Variants in ZRANB1 observed in about 807,000 individuals in gnomAD.
ZRANB1 encodes the protein ubiquitin thioesterase ZRANB1.
ZRANB1 carries 16 observed loss-of-function variants against 80.5 expected under a neutral mutation model. The ratio of observed to expected loss-of-function variants is 0.20; its 90% CI spans 0.13 to 0.30. The LOEUF (loss-of-function observed/expected upper bound fraction) is 0.30. Ranked by LOEUF, ZRANB1 falls within the 10% of genes least tolerant of loss-of-function variation. The probability of loss-of-function intolerance (pLI) is 1.00; values close to 1 mark genes in which losing one functional copy is unlikely to be tolerated. For missense variants in ZRANB1, 576 were observed against 862.6 expected (o/e 0.67, Z 4.16); for synonymous variants, 291 against 293.1 (o/e 0.99, Z 0.07).
intron 1 of ZRANB1, among the ~76,000 whole-genome samples, chr10:124,944,082 G>T (rs1018519298): frequency 6.6e-6 from 1 of 152,194 alleles, no homozygotes; most frequent in Admixed American, 6.5e-5. Flanking sequence ...AGGAAATGCT[G>T]TTAAAGGACA....
chr10:124,922,336 AT>A, the ZRANB1 span, among the ~76,000 whole-genome samples: 37 of 44,782 alleles, frequency 8.3e-4, 2 homozygotes, highest in Middle Eastern at 0.016. Flanking sequence ...GTATATATAT[AT>A]TTTTTTTTTA....
intron 1 of ZRANB1, among the ~76,000 whole-genome samples, chr10:124,955,160 C>CT (rs1356502545): frequency 6.6e-6 from 1 of 151,796 alleles, no homozygotes; most frequent in Non-Finnish European, 1.5e-5. Context: ...CAAAACCCAC[C>CT]TAATTGTCCT....
chr10:124,924,549 A>G, the ZRANB1 span, among the ~76,000 whole-genome samples: 1 of 152,112 alleles, frequency 6.6e-6, no homozygotes, highest in South Asian at 2.1e-4. Flanking sequence ...CCTATTCTGG[A>G]TATGTCGTAA....
At position 124,974,225 on chromosome 10, in the gene ZRANB1, T is replaced by C. The variant is rs750578825; in HGVS notation, c.1254T>C (p.Ile418=). Residue 418 remains isoleucine (I), a synonymous_variant, in exon 5 of 9, where the codon ATT becomes ATC. Coordinates refer to ENST00000359653, the MANE Select transcript of ZRANB1 (RefSeq NM_017580.3). ...AATTAGAAGAAGAATCTCCAATTAT[T>C]AACTGGTCCTTGGAATTGGCTACAC... is the stretch of plus-strand genomic sequence containing the variant. ...QKELEEESPI[I]NWSLELATRL... is the part of the protein sequence containing the mutation. 8 of 1,614,140 alleles carry C rather than the reference T, an allele frequency of 5.0e-6. No individual in the cohort carries two copies. The highest frequency in any genetic ancestry group is 5.9e-6 in the Non-Finnish European group (7 of 1,180,042).
the ZRANB1 span, among the ~76,000 whole-genome samples, chr10:124,920,012 C>T: frequency 1.4e-5 from 2 of 148,092 alleles, no homozygotes; most frequent in Admixed American, 6.8e-5. Context: ...CTCCGCCTCC[C>T]GGGTTCAAGC....
chr10:124,961,920 GTTGC>G lies in ZRANB1; in HGVS notation c.815-4672_815-4669del, dbSNP rs1327840895. 7.2e-5 allele frequency among the ~76,000 whole-genome samples: 11 copies of G among 152,276 alleles called. No homozygotes were observed. The East Asian group carries it at 1.7e-3, about 24-fold the overall frequency. On this transcript the variant is annotated intron_variant, in intron 1 of 8. Coordinates refer to ENST00000359653, the MANE Select transcript of ZRANB1 (RefSeq NM_017580.3). ...GAATAGAAATAGTGGATCTTAACTT[GTTGC>G]TATTATTATGTGGAAAATACAACCA...
At chr10:124,954,249 G>A (rs1384977644) in intron 1 of ZRANB1, among the ~76,000 whole-genome samples, 1 of 138,632 alleles carries the variant, frequency 7.2e-6, no homozygotes, top group Admixed American at 8.3e-5. Context: ...GCCTCCCAAA[G>A]CTCTGGGATT....
chr10:124,935,586 C>T, the ZRANB1 span, among the ~76,000 whole-genome samples: 1 of 152,214 alleles, frequency 6.6e-6, no homozygotes, highest in East Asian at 1.9e-4. Flanking sequence ...CAACTGTGGG[C>T]CCTAGTGCCT....
intron 1 of ZRANB1, among the ~76,000 whole-genome samples, chr10:124,956,736 T>A (rs2134265071): frequency 6.6e-6 from 1 of 152,338 alleles, no homozygotes; most frequent in Non-Finnish European, 1.5e-5. Context: ...CATCCCAAAG[T>A]GCTTGGATTA....
At chr10:124,919,222 A>G in the ZRANB1 span, among the ~76,000 whole-genome samples, 1 of 152,218 alleles carries the variant, frequency 6.6e-6, no homozygotes, top group Non-Finnish European at 1.5e-5. Context: ...GTGCTTTATA[A>G]TAAATGTAAA....
At chr10:124,937,792 T>TA (rs1951501513), upstream of ZRANB1, among the ~76,000 whole-genome samples, 1 of 152,220 alleles carries the variant, frequency 6.6e-6, no homozygotes, top group Admixed American at 6.5e-5. Flanking sequence ...AAATGGTTGA[T>TA]ATATTTAGAG....
At position 124,985,096 on chromosome 10, in the gene ZRANB1, T is replaced by A; in HGVS notation, c.*104T>A. 1.2e-6 allele frequency: 1 copy of A among 864,068 alleles called. No individual in the cohort carries two copies. Among genetic ancestry groups the A allele is most frequent in the Non-Finnish European group, 1.8e-6 (1 of 553,126 alleles). The allele number at this position is 864,068 out of a possible 1,614,324, so 53.5% of individuals were successfully genotyped here. A position where few individuals can be genotyped will look rare whatever the true frequency, so the allele number is the denominator to read the frequency against. On this transcript the variant is annotated 3_prime_UTR_variant, in exon 9 of 9. Coordinates refer to ENST00000359653, the MANE Select transcript of ZRANB1 (RefSeq NM_017580.3). Reference sequence around the variant, plus strand: ...TCGACATCATGGAATGAACCAAATCTGGCAGGATCTGCTCGGGGAAGTGTT... The same window carrying A: ...TCGACATCATGGAATGAACCAAATCAGGCAGGATCTGCTCGGGGAAGTGTT...
intron 1 of ZRANB1, chr10:124,945,490 A>C (rs1185641119): frequency 7.0e-6 from 1 of 142,552 alleles, no homozygotes; most frequent in African/African-American, 2.7e-5. Flanking sequence ...TAGTACATGT[A>C]GGTTTATAGA....
At chr10:124,943,624 A>G (rs1291170339) in intron 1 of ZRANB1, among the ~76,000 whole-genome samples, 1 of 152,200 alleles carries the variant, frequency 6.6e-6, no homozygotes, top group Non-Finnish European at 1.5e-5. Flanking sequence ...ATACATAAAA[A>G]TTTGTGTATT....
At position 124,983,659 on chromosome 10, in the gene ZRANB1, C is replaced by T. The variant is rs1951962748; in HGVS notation, c.1879C>T (p.Leu627Phe). The change falls in exon 8 of 9, where the codon CTC (leucine) becomes TTC (phenylalanine). Residue 627 changes from leucine to phenylalanine, a missense_variant. Leu to Phe is a conservative substitution (Grantham distance 22). Transcript: ENST00000359653. This position sits in a 1 kb window ranked among gnomAD's most constrained non-coding sequence, Gnocchi z 6.2. Reference sequence around the variant, plus strand: ...TCTGGTTGACAGTGAAAGGAAGCTACTCCATGTGCACTTCCTTTCTGCTCA... The same window carrying T: ...TCTGGTTGACAGTGAAAGGAAGCTATTCCATGTGCACTTCCTTTCTGCTCA... ...LPLVDSERKL[L>F]HVHFLSAQEL... The T allele has an allele frequency of 1.2e-6, 2 of 1,604,814 alleles. No individual in the cohort carries two copies. The highest frequency in any genetic ancestry group is 1.1e-5 in the South Asian group (1 of 90,236).
At chr10:124,928,843 A>G in the ZRANB1 span, among the ~76,000 whole-genome samples, 2 of 152,240 alleles carry the variant, frequency 1.3e-5, no homozygotes, top group Admixed American at 1.3e-4. Context: ...TGAAGAGGTG[A>G]CATTTAAACT....
chr10:124,950,216 C>T (rs967296467), intron 1 of ZRANB1, among the ~76,000 whole-genome samples: 1 of 152,094 alleles, frequency 6.6e-6, no homozygotes, highest in Non-Finnish European at 1.5e-5. Flanking sequence ...TCTCTGCCTC[C>T]TGGGCTCAAG....
At position 124,983,075 on chromosome 10, in the gene ZRANB1, A is replaced by T; in HGVS notation, c.1549-100A>T. ...ACAATCTTTTCTTTCTTAAAAACCA[A>T]CTGCGATAGTATACTGAAGGGGAGG... On this transcript the variant is annotated intron_variant, in intron 6 of 8. Transcript: ENST00000359653. This position sits in a 1 kb window ranked among gnomAD's most constrained non-coding sequence, Gnocchi z 6.2. 2 of 1,254,808 alleles carry T rather than the reference A, an allele frequency of 1.6e-6. No individual in the cohort carries two copies. The highest frequency in any genetic ancestry group is 2.2e-6 in the Non-Finnish European group (2 of 926,560). The allele number at this position is 1,254,808 out of a possible 1,614,324, so 77.7% of individuals were successfully genotyped here.
At position 124,942,260 on chromosome 10, in the gene ZRANB1, A is replaced by G. The variant is rs958503294; in HGVS notation, c.-234A>G. On this transcript the variant is annotated 5_prime_UTR_variant, in exon 1 of 9. An upstream open reading frame in the 5' UTR loses its in-frame stop. Coordinates refer to ENST00000359653, the MANE Select transcript of ZRANB1 (RefSeq NM_017580.3). ...CAGTTTTATTAAATCCCAGGGTCTA[A>G]GATTTTTTCTTTGAGAATTTATCTC... 4 of 1,354,732 alleles carry G rather than the reference A, an allele frequency of 3.0e-6. No individual in the cohort carries two copies. Among genetic ancestry groups the G allele is most frequent in the East Asian group, 2.9e-5 (1 of 34,242 alleles). 83.9% of individuals were successfully genotyped at this position (1,354,732 alleles called of 1,614,324 possible). A position where few individuals can be genotyped will look rare whatever the true frequency, so the allele number is the denominator to read the frequency against.
Sources: gnomAD v4.1 joint callset for allele counts (sites outside exome capture counted in the v4.1 genomes callset) on GRCh38, gnomAD v4.1.1 for gene constraint, Gnocchi (gnomAD v3.1) non-coding constraint, MANE v1.5 for transcripts, NCBI Gene and HGNC (gene_info 2026-07-23, HGNC 2026-07-21) for gene names.